GUCY1A2: variants seen among roughly 807,000 people sequenced by gnomAD.
GUCY1A2 encodes the protein guanylate cyclase soluble subunit alpha-2.
In GUCY1A2, 27 loss-of-function variants were observed where a neutral mutation model predicts 63.5. The observed-to-expected ratio is 0.43, with a 90% CI of 0.31 to 0.59. The LOEUF (loss-of-function observed/expected upper bound fraction) is 0.59, where lower values mean the gene tolerates loss of function less well. Ranked by LOEUF, GUCY1A2 falls within the 20% of genes least tolerant of loss-of-function variation. The probability of loss-of-function intolerance (pLI) is 0.11; values close to 1 mark genes in which losing one functional copy is unlikely to be tolerated. For missense variants in GUCY1A2, 768 were observed against 913.3 expected (o/e 0.84, Z 2.05); for synonymous variants, 364 against 343.5 (o/e 1.06, Z -0.66).
At chr11:106,799,960 C>A (rs551459933) in intron 5 of GUCY1A2, among the ~76,000 whole-genome samples, 25 of 152,210 alleles carry the variant, frequency 1.6e-4, no homozygotes, top group South Asian at 1.0e-3. Context: ...AGGCAACCTA[C>A]AAAATGGGAG....
Position 106,675,534 on chromosome 11 carries a change from G to A in GUCY1A2, c.*12015C>T. ...ACTTAGTAGAAGGCAATAAAATAGAGGGAAAAATGGGACTGTGGATTACAA... is the reference window on the plus strand; with the variant it reads ...ACTTAGTAGAAGGCAATAAAATAGAAGGAAAAATGGGACTGTGGATTACAA... On this transcript the variant is annotated 3_prime_UTR_variant, in exon 8 of 8. Transcript: ENST00000526355. 5.1e-6 allele frequency: 1 copy of A among 197,648 alleles called. No homozygotes were observed. Among genetic ancestry groups the A allele is most frequent in the Non-Finnish European group, 1.0e-5 (1 of 95,540 alleles). 12.2% of individuals were successfully genotyped at this position (197,648 alleles called of 1,614,324 possible). A position where few individuals can be genotyped will look rare whatever the true frequency, so the allele number is the denominator to read the frequency against.
chr11:106,872,921 G>A (rs866902491), intron 4 of GUCY1A2, among the ~76,000 whole-genome samples: 7 of 151,304 alleles, frequency 4.6e-5, no homozygotes, highest in Admixed American at 4.6e-4. Context: ...CCCTCCCCTC[G>A]CCTCCCACCC....
intron 4 of GUCY1A2, among the ~76,000 whole-genome samples, chr11:106,919,852 G>A (rs1860418494): frequency 6.6e-6 from 1 of 152,126 alleles, no homozygotes; most frequent in African/African-American, 2.4e-5. Flanking sequence ...CTTAAAATCT[G>A]AGCTTACTCT....
intron 4 of GUCY1A2, among the ~76,000 whole-genome samples, chr11:106,890,027 T>C (rs1859953141): frequency 6.6e-6 from 1 of 152,182 alleles, no homozygotes; most frequent in South Asian, 2.1e-4. Context: ...CTCTGTATAG[T>C]GTATTTGAAG....
chr11:106,878,523 G>A (rs1181215002), intron 4 of GUCY1A2, among the ~76,000 whole-genome samples: 2 of 151,892 alleles, frequency 1.3e-5, no homozygotes, highest in African/African-American at 2.4e-5. Context: ...AACTAATGCA[G>A]GAACAGAAAA....
At chr11:106,961,219 A>G (rs148856548) in intron 3 of GUCY1A2, among the ~76,000 whole-genome samples, 1 of 152,056 alleles carries the variant, frequency 6.6e-6, no homozygotes, top group East Asian at 1.9e-4. Context: ...CAGAGTCATA[A>G]ACAAACAAAG....
At position 107,018,095 on chromosome 11, in the gene GUCY1A2, A is replaced by T; in HGVS notation, c.-40T>A. 2 of 1,351,380 alleles carry T rather than the reference A, an allele frequency of 1.5e-6. No individual in the cohort carries two copies. The highest frequency in any genetic ancestry group is 1.5e-5 in the African/African-American group (1 of 65,044). 83.7% of individuals were successfully genotyped at this position (1,351,380 alleles called of 1,614,324 possible). ...TGCAGCGGCCGAGGCGGTGGCGGCG[A>T]GGACGCGAGCGGCGGCGGAGGCGGC... On this transcript the variant is annotated 5_prime_UTR_variant, in exon 1 of 8. Coordinates refer to ENST00000526355, the MANE Select transcript of GUCY1A2 (RefSeq NM_000855.3).
intron 4 of GUCY1A2, among the ~76,000 whole-genome samples, chr11:106,821,713 A>T (rs1858905960): frequency 6.6e-6 from 1 of 152,190 alleles, no homozygotes; most frequent in Admixed American, 6.5e-5. Context: ...TGTAATAGAG[A>T]GCCATTTGGA....
At chr11:106,867,980 A>T (rs947693511) in intron 4 of GUCY1A2, among the ~76,000 whole-genome samples, 1 of 151,984 alleles carries the variant, frequency 6.6e-6, no homozygotes, top group Non-Finnish European at 1.5e-5. Context: ...TACACACCCC[A>T]ACCCCCAAAA....
At chr11:106,752,167 G>C (rs1037905882) in intron 6 of GUCY1A2, among the ~76,000 whole-genome samples, 1 of 152,144 alleles carries the variant, frequency 6.6e-6, no homozygotes, top group Admixed American at 6.6e-5. Context: ...CTTAGGATTT[G>C]AGCTGGCCAA....
chr11:106,746,435 GGAT>G (rs1863788776), intron 6 of GUCY1A2: 6 of 560,080 alleles, frequency 1.1e-5, no homozygotes, highest in South Asian at 2.4e-5. Flanking sequence ...ACAAACAAAA[GGAT>G]GATGATGATA....
chr11:106,898,880 T>C (rs899458106), intron 4 of GUCY1A2, among the ~76,000 whole-genome samples: 1 of 152,174 alleles, frequency 6.6e-6, no homozygotes, highest in African/African-American at 2.4e-5. Context: ...TCAGTGTAGG[T>C]TAATGAATTG....
At chr11:106,781,800 T>C (rs2135406356) in intron 5 of GUCY1A2, among the ~76,000 whole-genome samples, 1 of 152,024 alleles carries the variant, frequency 6.6e-6, no homozygotes, top group Admixed American at 6.6e-5. Context: ...ACTCCTGGGC[T>C]CAAGAGATTT....
At chr11:106,895,977 C>G (rs1425240881) in intron 4 of GUCY1A2, among the ~76,000 whole-genome samples, 2 of 150,012 alleles carry the variant, frequency 1.3e-5, no homozygotes, top group African/African-American at 4.9e-5. Flanking sequence ...TCGTGCCACT[C>G]CAGCCTGGGC....
At chr11:106,799,554 T>A (rs1216440073) in intron 5 of GUCY1A2, among the ~76,000 whole-genome samples, 1 of 152,104 alleles carries the variant, frequency 6.6e-6, no homozygotes, top group Non-Finnish European at 1.5e-5. Context: ...TGTAGACCAA[T>A]GGTACAGAAC....
Position 106,679,336 on chromosome 11 carries a change from C to T in GUCY1A2, c.*8213G>A, listed in dbSNP as rs969485721. ...TGCTATGGGGTGATTCTCTCTCCAG[C>T]TCAAATACTCTGGCACATTCTGTAA... On this transcript the variant is annotated 3_prime_UTR_variant, in exon 8 of 8. Transcript: ENST00000526355. 1.0e-5 allele frequency: 2 copies of T among 191,724 alleles called. No homozygotes were observed. The highest frequency in any genetic ancestry group is 4.7e-5 in the African/African-American group (2 of 42,938). 11.9% of individuals were successfully genotyped at this position (191,724 alleles called of 1,614,324 possible). A position where few individuals can be genotyped will look rare whatever the true frequency, so the allele number is the denominator to read the frequency against.
At chr11:106,727,741 A>AT (rs1440889359) in intron 6 of GUCY1A2, among the ~76,000 whole-genome samples, 1 of 152,170 alleles carries the variant, frequency 6.6e-6, no homozygotes, top group African/African-American at 2.4e-5. Flanking sequence ...TATCTTGCCA[A>AT]TTTTGCCTTC....
At chr11:106,823,741 C>A (rs1402851312) in intron 4 of GUCY1A2, among the ~76,000 whole-genome samples, 1 of 152,046 alleles carries the variant, frequency 6.6e-6, no homozygotes, top group Non-Finnish European at 1.5e-5. Context: ...TGTTTTTCGA[C>A]TTTTTAATAA....
chr11:106,726,321 C>A (rs1863407153), intron 6 of GUCY1A2, among the ~76,000 whole-genome samples: 1 of 152,026 alleles, frequency 6.6e-6, no homozygotes, highest in Non-Finnish European at 1.5e-5. Context: ...GGGGCTGAGG[C>A]AGGAGAATCG....
Sources: gnomAD v4.1 joint callset for allele counts (sites outside exome capture counted in the v4.1 genomes callset) on GRCh38, gnomAD v4.1.1 for gene constraint, MANE v1.5 for transcripts, NCBI Gene and HGNC (gene_info 2026-07-23, HGNC 2026-07-21) for gene names.